SDK1: variants seen among roughly 807,000 people sequenced by gnomAD.
SDK1 encodes the protein protein sidekick-1.
Under a neutral mutation model 245.5 loss-of-function variants are expected in SDK1, and 157 were observed. The observed-to-expected ratio is 0.64, with a 90% CI of 0.56 to 0.73. The LOEUF is 0.73. SDK1 is among the 30% of genes least tolerant of loss of function. The pLI is 0.00. For synonymous variants in SDK1, 1,647 were observed against 1,278.5 expected (o/e 1.29, Z -6.15); for missense variants, 3,583 against 3,002.3 (o/e 1.19, Z -4.52).
intron 1 of SDK1, among the ~76,000 whole-genome samples, chr7:3,611,787 C>G (rs6961261): frequency 0.14 from 21,250 of 151,954 alleles, 2,609 homozygotes; most frequent in East Asian, 0.34. Context: ...TGCCTCCTTA[C>G]TCCGGCAAAA....
At chr7:3,571,403 A>G (rs995511087) in intron 1 of SDK1, among the ~76,000 whole-genome samples, 8 of 151,988 alleles carry the variant, frequency 5.3e-5, no homozygotes, top group African/African-American at 1.9e-4. Flanking sequence ...CCTGGATTCA[A>G]GTGATCCTCC....
intron 1 of SDK1, among the ~76,000 whole-genome samples, chr7:3,374,983 T>C (rs1781317195): frequency 6.6e-6 from 1 of 152,212 alleles, no homozygotes; most frequent in African/African-American, 2.4e-5. Context: ...CCTGTAATTG[T>C]ATGTGCCACA....
chr7:3,906,427 C>A (rs1165127155), intron 5 of SDK1, among the ~76,000 whole-genome samples: 1 of 151,738 alleles, frequency 6.6e-6, no homozygotes, highest in African/African-American at 2.4e-5. Flanking sequence ...AGAGAGCGCG[C>A]GAGTGCAGGA....
chr7:4,077,135 G>T lies in SDK1; in HGVS notation c.3148G>T (p.Ala1050Ser). Residue 1050 changes from alanine (A) to serine (S), a missense_variant, in exon 21 of 45, where the codon GCC becomes TCC. Transcript: ENST00000404826. ...CACCATCGACGTGGCCGCTGTGACT[G>T]CCGTGGGCACTGGCCTGGTGACTTC... is the stretch of plus-strand genomic sequence containing the variant. ...TYTIDVAAVT[A>S]VGTGLVTSST... 6.2e-7 allele frequency: 1 copy of T among 1,614,212 alleles called. No homozygotes were observed. Among genetic ancestry groups the T allele is most frequent in the Non-Finnish European group, 8.5e-7 (1 of 1,180,050 alleles).
intron 4 of SDK1, among the ~76,000 whole-genome samples, chr7:3,820,386 A>C (rs1421455171): frequency 6.6e-6 from 1 of 152,064 alleles, no homozygotes; most frequent in African/African-American, 2.4e-5. Flanking sequence ...TTGACGTCAC[A>C]ATCTGTCCAC....
At chr7:4,234,966 G>C (rs1011044415) in intron 41 of SDK1, among the ~76,000 whole-genome samples, 4 of 152,198 alleles carry the variant, frequency 2.6e-5, no homozygotes, top group Non-Finnish European at 5.9e-5. Flanking sequence ...CTCTGCGTTA[G>C]AGCTGCTTGA....
chr7:4,047,708 G>A (rs558251133), intron 17 of SDK1, among the ~76,000 whole-genome samples: 22 of 152,152 alleles, frequency 1.4e-4, no homozygotes, highest in Admixed American at 2.0e-4. Context: ...GCTCTGTGAC[G>A]GGTGAGCAGG....
At chr7:3,521,147 A>G (rs1042879529) in intron 1 of SDK1, among the ~76,000 whole-genome samples, 1 of 152,140 alleles carries the variant, frequency 6.6e-6, no homozygotes, top group African/African-American at 2.4e-5. Context: ...GTCTTTGCCC[A>G]TGAGGCTGCT....
chr7:4,197,888 C>T (rs531421079), intron 35 of SDK1, among the ~76,000 whole-genome samples: 414 of 152,322 alleles, frequency 2.7e-3, no homozygotes, highest in African/African-American at 9.8e-3. Context: ...GCTTGCCACA[C>T]GCAAGCAGAG....
At chr7:3,676,930 G>A (rs1783921138) in intron 4 of SDK1, among the ~76,000 whole-genome samples, 1 of 152,146 alleles carries the variant, frequency 6.6e-6, no homozygotes, top group Non-Finnish European at 1.5e-5. Flanking sequence ...ATAGTTTGAA[G>A]TTGGGTAATG....
chr7:3,359,222 C>T (rs1780888241), intron 1 of SDK1, among the ~76,000 whole-genome samples: 1 of 152,076 alleles, frequency 6.6e-6, no homozygotes, highest in Non-Finnish European at 1.5e-5. Flanking sequence ...CCAAGTGGCC[C>T]CCTTCCTGGC....
At chr7:4,241,165 C>T (rs1006692659) in intron 42 of SDK1, among the ~76,000 whole-genome samples, 1 of 152,148 alleles carries the variant, frequency 6.6e-6, no homozygotes, top group Non-Finnish European at 1.5e-5. Context: ...CAGGTACGTG[C>T]AGTCATGACC....
rs375658802 is a variant in SDK1, at chr7:4,237,714, C to A, written c.6060C>A (p.Ile2020=). 1.2e-5 allele frequency: 20 copies of A among 1,613,788 alleles called. No homozygotes were observed. Among genetic ancestry groups the A allele is most frequent in the Non-Finnish European group, 1.6e-5 (19 of 1,179,836 alleles). ...FLLVMALSSL[I]VILLVVFALV... Reference sequence around the variant, plus strand: ...TGGTGATGGCTCTGTCCAGCCTGATCGTCATCCTGCTGGTGGTGTTCGCCC... The same window carrying A: ...TGGTGATGGCTCTGTCCAGCCTGATAGTCATCCTGCTGGTGGTGTTCGCCC... Residue 2020 remains isoleucine, a synonymous_variant, in exon 42 of 45, where the codon ATC becomes ATA. Coordinates refer to ENST00000404826, the MANE Select transcript of SDK1 (RefSeq NM_152744.4).
chr7:3,631,864 G>A (rs1473005272), intron 2 of SDK1, among the ~76,000 whole-genome samples: 2 of 152,198 alleles, frequency 1.3e-5, no homozygotes, highest in African/African-American at 2.4e-5. Context: ...ATACTCCCGA[G>A]TGAGACAAGT....
intron 43 of SDK1, among the ~76,000 whole-genome samples, chr7:4,245,360 GCCT>G (rs1226763666): frequency 2.0e-5 from 3 of 152,048 alleles, no homozygotes; most frequent in Admixed American, 1.3e-4. Flanking sequence ...AAGCTCCCCG[GCCT>G]CCTATCTGTC....
chr7:4,167,218 C>T (rs540020670), intron 32 of SDK1, among the ~76,000 whole-genome samples: 16 of 152,038 alleles, frequency 1.1e-4, no homozygotes, highest in South Asian at 2.1e-4. Context: ...GGTGAAACCC[C>T]GTCTCTACCA....
At chr7:4,100,304 G>T (rs1369302542) in intron 22 of SDK1, among the ~76,000 whole-genome samples, 1 of 152,190 alleles carries the variant, frequency 6.6e-6, no homozygotes, top group African/African-American at 2.4e-5. Context: ...GGCAGACATG[G>T]CCTCCAGGAG....
intron 1 of SDK1, among the ~76,000 whole-genome samples, chr7:3,435,799 C>CT (rs1262911896): frequency 6.6e-6 from 1 of 152,170 alleles, no homozygotes; most frequent in African/African-American, 2.4e-5. Context: ...TATTCAGTCT[C>CT]TACGTCCCTC....
At chr7:4,002,302 G>C (rs1026267236) in intron 14 of SDK1, among the ~76,000 whole-genome samples, 5 of 152,140 alleles carry the variant, frequency 3.3e-5, no homozygotes, top group African/African-American at 1.2e-4. Flanking sequence ...CTCACCCCAA[G>C]CAGTTTAACT....
Sources: allele counts gnomAD v4.1 joint callset (sites outside exome capture counted in the v4.1 genomes callset), GRCh38; gene constraint gnomAD v4.1.1; transcripts MANE v1.5; gene names NCBI Gene and HGNC (gene_info 2026-07-23, HGNC 2026-07-21).